Variants in ABAT observed in about 807,000 individuals in gnomAD.
ABAT encodes 4-aminobutyrate aminotransferase.
ABAT carries 45 observed loss-of-function variants against 64.6 expected under a neutral mutation model. That is an observed-to-expected ratio of 0.70 (90% confidence interval 0.55 to 0.89). The LOEUF (loss-of-function observed/expected upper bound fraction) is 0.89. Among genes scored for constraint, ABAT ranks in the 40% least tolerant of loss-of-function variants. The probability of loss-of-function intolerance (pLI) is 0.00; values close to 1 mark genes in which losing one functional copy is unlikely to be tolerated. For missense variants in ABAT, 633 were observed against 658.4 expected (o/e 0.96, Z 0.42); for synonymous variants, 297 against 250.5 (o/e 1.19, Z -1.75).
At chr16:8,777,238 C>G (rs867184928) in intron 14 of ABAT, among the ~76,000 whole-genome samples, 2 of 151,972 alleles carry the variant, frequency 1.3e-5, no homozygotes, top group Admixed American at 1.3e-4. Flanking sequence ...AGACATCCCC[C>G]CTTTGAGAGT....
chr16:8,697,551 G>C (rs1189612402), intron 1 of ABAT, among the ~76,000 whole-genome samples: 1 of 152,170 alleles, frequency 6.6e-6, no homozygotes, highest in African/African-American at 2.4e-5. Flanking sequence ...CCTGGGTTCA[G>C]ATCCAAGCCT....
At chr16:8,757,506 T>C (rs1401686158) in intron 5 of ABAT, among the ~76,000 whole-genome samples, 1 of 152,186 alleles carries the variant, frequency 6.6e-6, no homozygotes, top group Non-Finnish European at 1.5e-5. Context: ...CCAGTAGGTC[T>C]CAAATCTGAA....
chr16:8,758,038 T>C (rs976264103), intron 6 of ABAT, among the ~76,000 whole-genome samples: 1 of 152,184 alleles, frequency 6.6e-6, no homozygotes. Context: ...ATTGCAACAA[T>C]ATTAAGTGCT....
intron 5 of ABAT, among the ~76,000 whole-genome samples, chr16:8,757,480 C>T (rs896203241): frequency 3.9e-5 from 6 of 152,020 alleles, no homozygotes; most frequent in African/African-American, 1.4e-4. Context: ...TTTATCTCAC[C>T]TTATGTTTAT....
intron 12 of ABAT, among the ~76,000 whole-genome samples, 196 bp from the exon 13 acceptor site, chr16:8,774,694 G>A (rs781048335): frequency 5.9e-5 from 9 of 152,170 alleles, no homozygotes; most frequent in Non-Finnish European, 1.2e-4. Flanking sequence ...ATTCAGCTCT[G>A]GTTGGAACTG....
intron 6 of ABAT, among the ~76,000 whole-genome samples, chr16:8,762,000 T>TCTCCTC (rs199573711): frequency 6.9e-6 from 1 of 145,350 alleles, no homozygotes; most frequent in African/African-American, 2.5e-5. Context: ...TCCTTCTCCT[T>TCTCCTC]CTTCTCCTTC....
In ABAT at chr16:8,768,971, G is replaced by A; in HGVS notation, c.814G>A (p.Glu272Lys). The A allele has an allele frequency of 6.2e-7, 1 of 1,614,184 alleles. No homozygotes were observed. Among genetic ancestry groups the A allele is most frequent in the South Asian group, 1.1e-5 (1 of 91,082 alleles). Residue 272 changes from glutamate (E) to lysine (K), a missense_variant and splice_region_variant, in exon 11 of 16, where the codon GAG (glutamate) becomes AAG (lysine). Physicochemically the swap from Glu to Lys is moderately conservative, Grantham distance 56 (BLOSUM62 1). Transcript: ENST00000268251. Reference protein sequence around the residue: ...NQQEEARCLEEVEDLIVKYRK... With the variant: ...NQQEEARCLEKVEDLIVKYRK... ...ACAGGAGGAGGCCCGCTGTCTGGAA[G>A]AGGTAATGCTCATACCCTGCGGATC... is the stretch of plus-strand genomic sequence containing the variant.
At chr16:8,700,146 T>C (rs73497661) in intron 1 of ABAT, among the ~76,000 whole-genome samples, 10,692 of 152,088 alleles carry the variant, frequency 0.07, 1,261 homozygotes, top group African/African-American at 0.24. Context: ...TTGATGCTTG[T>C]CCTGAACGCA....
intron 1 of ABAT, among the ~76,000 whole-genome samples, chr16:8,721,111 G>A (rs887210143): frequency 6.6e-6 from 1 of 152,218 alleles, no homozygotes; most frequent in African/African-American, 2.4e-5. Flanking sequence ...GAGGCACAGA[G>A]ACGTTACTTA....
At chr16:8,755,656 A>G (rs1273426) in intron 5 of ABAT, among the ~76,000 whole-genome samples, 26,556 of 152,114 alleles carry the variant, frequency 0.17, 2,397 homozygotes, top group South Asian at 0.3. Context: ...CACACCTGTA[A>G]TCCTAGCACT....
intron 14 of ABAT, among the ~76,000 whole-genome samples, chr16:8,778,561 G>C (rs2060334513): frequency 6.6e-6 from 1 of 152,146 alleles, no homozygotes; most frequent in Non-Finnish European, 1.5e-5. Flanking sequence ...GATCACTTGA[G>C]GTCAGGAGTT....
intron 1 of ABAT, among the ~76,000 whole-genome samples, chr16:8,695,924 C>A (rs190413617): frequency 4.7e-4 from 71 of 152,324 alleles, no homozygotes; most frequent in Non-Finnish European, 8.7e-4. Context: ...TATGAGGGAT[C>A]TCTGAGCTGA....
intron 1 of ABAT, among the ~76,000 whole-genome samples, chr16:8,679,317 A>T (rs896779404): frequency 1.3e-5 from 2 of 152,148 alleles, no homozygotes; most frequent in African/African-American, 2.4e-5. Context: ...AGAGACAGGA[A>T]TCTGAGGCTC....
At chr16:8,749,324 G>A (rs550928891) in intron 4 of ABAT, among the ~76,000 whole-genome samples, 7 of 145,466 alleles carry the variant, frequency 4.8e-5, no homozygotes, top group Admixed American at 4.3e-4. Flanking sequence ...TGCTGACCTC[G>A]TGATCCACCT....
At chr16:8,762,290 C>T (rs116760688) in intron 6 of ABAT, among the ~76,000 whole-genome samples, 5,318 of 152,310 alleles carry the variant, frequency 0.035, 317 homozygotes, top group African/African-American at 0.12. Context: ...CAGGCCTGAC[C>T]AAGTAAGACA....
chr16:8,711,990 A>C (rs1223408190), intron 1 of ABAT, among the ~76,000 whole-genome samples: 1 of 111,212 alleles, frequency 9.0e-6, no homozygotes, highest in Non-Finnish European at 2.0e-5. Flanking sequence ...CTGTAATCCT[A>C]GCACTTTGGG....
At chr16:8,723,840 T>A (rs1437348733) in intron 1 of ABAT, among the ~76,000 whole-genome samples, 5 of 112,946 alleles carry the variant, frequency 4.4e-5, no homozygotes, top group East Asian at 5.0e-4. Context: ...TTTTTTTTTT[T>A]TTTTTTTTTT....
intron 1 of ABAT, among the ~76,000 whole-genome samples, chr16:8,724,628 C>T (rs1056108548): frequency 6.0e-5 from 9 of 149,656 alleles, no homozygotes; most frequent in African/African-American, 2.2e-4. Flanking sequence ...CCCAGCTACT[C>T]GGTAGGCTGA....
At position 8,781,985 on chromosome 16, in the gene ABAT, G is replaced by C. The variant is rs543234080; in HGVS notation, c.*555G>C. ...GAGGAAGGCCGTAAAATGGGGACAG[G>C]AGGATTCAGCTCAGGAGTAAGGGAA... On this transcript the variant is annotated 3_prime_UTR_variant, in exon 16 of 16. Transcript: ENST00000268251. This position sits in a 1 kb window ranked among gnomAD's most constrained non-coding sequence, Gnocchi z 4.5. 2.7e-5 allele frequency: 5 copies of C among 184,800 alleles called. No individual in the cohort carries two copies. The highest frequency in any genetic ancestry group is 2.7e-4 in the Admixed American group (5 of 18,716). The allele number at this position is 184,800 out of a possible 1,614,324, so 11.4% of individuals were successfully genotyped here.
Sources: gnomAD v4.1 joint callset for allele counts (sites outside exome capture counted in the v4.1 genomes callset) on GRCh38, gnomAD v4.1.1 for gene constraint, Gnocchi (gnomAD v3.1) non-coding constraint, MANE v1.5 for transcripts, NCBI Gene and HGNC (gene_info 2026-07-23, HGNC 2026-07-21) for gene names.